Variants in DRC3 observed in about 807,000 individuals in gnomAD.
DRC3 encodes dynein regulatory complex subunit 3.
DRC3 carries 45 observed loss-of-function variants against 57.6 expected under a neutral mutation model. That is an observed-to-expected ratio of 0.78 (90% CI 0.62 to 1.00). The LOEUF (loss-of-function observed/expected upper bound fraction) is 1.00. Among genes scored for constraint, DRC3 ranks in the 50% least tolerant of loss-of-function variants. DRC3 has a pLI of 0.00. For missense variants in DRC3, 655 were observed against 675.2 expected, an observed-to-expected ratio of 0.97 and a Z score of 0.33; for synonymous variants, 257 against 272.3, an observed-to-expected ratio of 0.94 and a Z score of 0.55.
At position 18,006,943 on chromosome 17, in the gene DRC3, AGTCT is replaced by A. The variant is rs2043976308; in HGVS notation, c.1203-76_1203-73del. Reference sequence around the variant, plus strand: ...TTCCGAGCTCGCCTTGGGCCCTTAAAGTCTGTCTCCCGCCGTCTGAGAGCATCAG... The same window carrying A: ...TTCCGAGCTCGCCTTGGGCCCTTAAAGTCTCCCGCCGTCTGAGAGCATCAG... On this transcript the variant is annotated intron_variant, in intron 11 of 13. Coordinates refer to ENST00000399187, the MANE Select transcript of DRC3 (RefSeq NM_031294.4). 9 of 1,576,222 alleles carry A rather than the reference AGTCT, an allele frequency of 5.7e-6. 1 individual carries two copies. Among genetic ancestry groups the A allele is most frequent in the Non-Finnish European group, 7.8e-6 (9 of 1,158,850 alleles).
chr17:18,010,775 TCA>T, intron 12 of DRC3: 1 of 270,734 alleles, frequency 3.7e-6, no homozygotes, highest in South Asian at 3.5e-5. Flanking sequence ...CGGGGAGCTC[TCA>T]GAGGCAAGGT....
intron 7 of DRC3, 123 bp from the exon 8 acceptor site, chr17:17,994,876 T>C (rs2043392630): frequency 1.5e-6 from 1 of 682,310 alleles, no homozygotes; most frequent in Non-Finnish European, 2.7e-6. Context: ...TCTGCACCTC[T>C]GCACATGCCA....
intron 3 of DRC3, among the ~76,000 whole-genome samples, chr17:17,980,685 C>T (rs1435908132): frequency 1.3e-5 from 2 of 150,276 alleles, no homozygotes; most frequent in Admixed American, 6.7e-5. Context: ...ACCTTCACCT[C>T]CCGGGTTCAA....
intron 6 of DRC3, 100 bp from the exon 7 acceptor site, chr17:17,994,199 C>A: frequency 6.8e-7 from 1 of 1,460,224 alleles, no homozygotes; most frequent in Non-Finnish European, 9.2e-7. Flanking sequence ...AACACCCCTG[C>A]CCATGCGCGG....
intron 6 of DRC3, 29 bp from the exon 7 acceptor site, chr17:17,994,270 T>C: frequency 6.5e-7 from 1 of 1,548,112 alleles, no homozygotes; most frequent in Non-Finnish European, 8.7e-7. Context: ...GAACCTCTGG[T>C]AACAATGCCA....
At position 18,008,340 on chromosome 17, in the gene DRC3, G is replaced by A. The variant is rs920490721; in HGVS notation, c.1326+1193G>A. Among the ~76,000 whole-genome samples the A allele has an allele frequency of 1.4e-4, 21 of 152,214 alleles. No homozygotes were observed. The highest frequency in any genetic ancestry group is 4.4e-5 in the Non-Finnish European group (3 of 68,040). Reference sequence around the variant, plus strand: ...GCCCCATTTATCAGGTCAGGTCAGAGCCTCATCATAGTTTCAAACTACCTG... The same window carrying A: ...GCCCCATTTATCAGGTCAGGTCAGAACCTCATCATAGTTTCAAACTACCTG... On this transcript the variant is annotated intron_variant, in intron 12 of 13. Transcript: ENST00000399187. This position sits in a 1 kb window ranked among gnomAD's most constrained non-coding sequence, Gnocchi z 4.3.
Position 17,987,883 on chromosome 17 carries a change from C to T in DRC3, c.278-49C>T, listed in dbSNP as rs74721735. The T allele has an allele frequency of 2.2e-3, 3,569 of 1,593,350 alleles. 32 individuals are homozygous for T. In the East Asian group the frequency reaches 0.027, roughly 12 times the overall value. On this transcript the variant is annotated intron_variant, in intron 4 of 13. Coordinates refer to ENST00000399187, the MANE Select transcript of DRC3 (RefSeq NM_031294.4). ...CTGATGGTTTTATTTCAGGACAGCC[C>T]ATCCCCTGACCCAGGCAGCAGACCC...
intron 12 of DRC3, among the ~76,000 whole-genome samples, chr17:18,009,339 G>A (rs1158991726): frequency 1.3e-5 from 2 of 152,196 alleles, no homozygotes; most frequent in Admixed American, 1.3e-4. Context: ...AGCCTGGGAA[G>A]TCAAGGTGAG....
At chr17:17,975,065 C>G (rs1487905458) in intron 2 of DRC3, among the ~76,000 whole-genome samples, 1 of 152,172 alleles carries the variant, frequency 6.6e-6, no homozygotes, top group Non-Finnish European at 1.5e-5. Flanking sequence ...TAATAACAAT[C>G]CCCCATTTCC....
chr17:17,996,849 T>C (rs977461971), intron 8 of DRC3, among the ~76,000 whole-genome samples: 1 of 152,190 alleles, frequency 6.6e-6, no homozygotes, highest in African/African-American at 2.4e-5. Flanking sequence ...CTGTAGGCTT[T>C]ACCTGGTTGA....
intron 5 of DRC3, 28 bp downstream of exon 5, chr17:17,988,126 G>A (rs377239517): frequency 4.0e-5 from 64 of 1,605,298 alleles, no homozygotes; most frequent in Admixed American, 5.1e-5. Context: ...CCGCCCTCAC[G>A]CACACCTGCA....
At chr17:17,978,824 T>A (rs190060157) in intron 3 of DRC3, among the ~76,000 whole-genome samples, 2 of 152,304 alleles carry the variant, frequency 1.3e-5, no homozygotes, top group East Asian at 3.9e-4. Context: ...AACCTGAGGT[T>A]CATGCAGCCA....
intron 4 of DRC3, among the ~76,000 whole-genome samples, chr17:17,987,183 C>G (rs2042999622): frequency 7.1e-6 from 1 of 141,194 alleles, no homozygotes; most frequent in Non-Finnish European, 1.5e-5. Flanking sequence ...CCACTGCACT[C>G]CAGTCTGCAC....
In DRC3 at chr17:18,007,738, A is replaced by AAGGGCCCAGACAGAGATACTATGTTGTC. The variant is rs1426473677; in HGVS notation, c.1326+626_1326+653dup. The AAGGGCCCAGACAGAGATACTATGTTGTC allele has an allele frequency of 9.2e-6, 11 of 1,193,672 alleles. No homozygotes were observed. In the African/African-American group the frequency reaches 1.7e-4, roughly 19 times the overall value. The allele number at this position is 1,193,672 out of a possible 1,614,324, so 73.9% of individuals were successfully genotyped here. A position where few individuals can be genotyped will look rare whatever the true frequency, so the allele number is the denominator to read the frequency against. On this transcript the variant is annotated intron_variant, in intron 12 of 13. Coordinates refer to ENST00000399187, the MANE Select transcript of DRC3 (RefSeq NM_031294.4). ...TGTCTCTGGAAGGAGTGTGGGCATC[A>AAGGGCCCAGACAGAGATACTATGTTGTC]AGGGCCCAGACAGAGATACTATGTT...
chr17:18,010,858 G>T, intron 12 of DRC3: 1 of 366,486 alleles, frequency 2.7e-6, no homozygotes, highest in South Asian at 2.2e-5. Context: ...CAAGTCCCTG[G>T]AAGAGATCTA....
chr17:18,008,634 G>C lies in DRC3; in HGVS notation c.1326+1487G>C, dbSNP rs567009356. ...CAGCCTCTGTCCTGGGGCCCAGACA[G>C]ACACCCAACATAGCAGTGTGGTGAT... On this transcript the variant is annotated intron_variant, in intron 12 of 13. Transcript: ENST00000399187. This position sits in a 1 kb window ranked among gnomAD's most constrained non-coding sequence, Gnocchi z 4.3. Among the ~76,000 whole-genome samples the C allele has an allele frequency of 6.6e-6, 1 of 152,336 alleles. No homozygotes were observed. Among genetic ancestry groups the C allele is most frequent in the African/African-American group, 2.4e-5 (1 of 41,574 alleles).
chr17:17,974,740 G>T (rs781352459), intron 2 of DRC3, among the ~76,000 whole-genome samples: 10 of 151,902 alleles, frequency 6.6e-5, no homozygotes, highest in Non-Finnish European at 1.3e-4. Flanking sequence ...CCTTGGCCAG[G>T]CCAGGTGCCC....
chr17:17,995,003 C>T lies in DRC3; in HGVS notation c.716C>T (p.Ala239Val), dbSNP rs377575498. 5.5e-5 allele frequency: 89 copies of T among 1,613,280 alleles called. No individual in the cohort carries two copies. The highest frequency in any genetic ancestry group is 6.7e-5 in the Admixed American group (4 of 59,980). ...QREELEKHKT[A>V]FVEHLNGSFL... ...TACGTGTGTTTCTGCCTGCAGACTG[C>T]GTTTGTGGAACACCTGAATGGCTCC... Residue 239 changes from alanine (A) to valine (V), a missense_variant, in exon 8 of 14, where the codon GCG becomes GTG. Coordinates refer to ENST00000399187, the MANE Select transcript of DRC3 (RefSeq NM_031294.4).
chr17:17,987,752 A>G (rs1373139723), intron 4 of DRC3, among the ~76,000 whole-genome samples, 180 bp from the exon 5 acceptor site: 2 of 152,230 alleles, frequency 1.3e-5, no homozygotes, highest in Non-Finnish European at 2.9e-5. Flanking sequence ...TGGAGGCTGC[A>G]GGAAATAATT....
Sources: allele counts gnomAD v4.1 joint callset (sites outside exome capture counted in the v4.1 genomes callset), GRCh38; gene constraint gnomAD v4.1.1; non-coding constraint Gnocchi (gnomAD v3.1); transcripts MANE v1.5; gene names NCBI Gene and HGNC (gene_info 2026-07-23, HGNC 2026-07-21).